The following UBA6 variants were observed in gnomAD, a reference collection of about 807,000 sequenced individuals.
The protein encoded by UBA6 is ubiquitin like modifier activating enzyme 6, also known as ubiquitin-like modifier-activating enzyme 6.
In UBA6, 87 loss-of-function variants were observed where a neutral mutation model predicts 148.3. That is an observed-to-expected ratio of 0.59 (90% CI 0.49 to 0.70). The LOEUF (loss-of-function observed/expected upper bound fraction) is 0.70. Ranked by LOEUF, UBA6 falls within the 30% of genes least tolerant of loss-of-function variation. UBA6 has a pLI of 0.00. For synonymous variants in UBA6, 376 were observed against 401.0 expected (o/e 0.94, Z 0.75); for missense variants, 1,186 against 1,241.2 (o/e 0.96, Z 0.67).
At chr4:67,654,814 T>C (rs1402006419) in intron 13 of UBA6, among the ~76,000 whole-genome samples, 2 of 143,560 alleles carry the variant, frequency 1.4e-5, no homozygotes, top group South Asian at 2.2e-4. Flanking sequence ...AAGAGGCCCA[T>C]AGTCTCAAAA....
chr4:67,663,399 C>T, intron 11 of UBA6, 184 bp from the exon 12 acceptor site: 1 of 474,556 alleles, frequency 2.1e-6, no homozygotes, highest in South Asian at 5.0e-5. Context: ...AACCTCAAGG[C>T]CATGAAGGTA....
At position 67,630,515 on chromosome 4, in the gene UBA6, T is replaced by C. The variant is rs759313710; in HGVS notation, c.2279A>G (p.Asn760Ser). 4.7e-5 allele frequency: 75 copies of C among 1,585,882 alleles called. No individual in the cohort carries two copies. The highest frequency in any genetic ancestry group is 6.3e-5 in the Non-Finnish European group (74 of 1,166,508). Residue 760 changes from asparagine (N) to serine (S), a missense_variant, in exon 26 of 33, where the codon AAT becomes AGT. Asn to Ser is a conservative substitution (Grantham distance 46). Transcript: ENST00000322244. ...NEPLHLSFLQNAAKLYATVYC... is the reference protein window; with the variant it reads ...NEPLHLSFLQSAAKLYATVYC... ...TACTGTAGCATATAGTTTTGCAGCATTCTGAAGGAAACTGAGGTGCCTTTT... is the reference window on the plus strand; with the variant it reads ...TACTGTAGCATATAGTTTTGCAGCACTCTGAAGGAAACTGAGGTGCCTTTT...
At chr4:67,656,170 C>T (rs934160105) in intron 13 of UBA6, among the ~76,000 whole-genome samples, 1 of 152,200 alleles carries the variant, frequency 6.6e-6, no homozygotes, top group Non-Finnish European at 1.5e-5. Context: ...AAGAGGGAAT[C>T]CTCCCTAACT....
intron 21 of UBA6, 21 bp downstream of exon 21, chr4:67,634,408 A>C (rs559636557): frequency 1.9e-6 from 3 of 1,564,528 alleles, no homozygotes; most frequent in African/African-American, 1.4e-5. Flanking sequence ...AAAGAAAATA[A>C]ATTTAAAAAG....
At chr4:67,639,514 A>G (rs1729251896) in intron 18 of UBA6, among the ~76,000 whole-genome samples, 1 of 152,302 alleles carries the variant, frequency 6.6e-6, no homozygotes, top group South Asian at 2.1e-4. Flanking sequence ...AACTCTGCAG[A>G]AGATAAGTTC....
rs1461105371 is a variant in UBA6 at position 67,639,133 on chromosome 4, A to G, written c.1555-9T>C. ...GTGTAGCTTTTAGGTTTCTAAACAA[A>G]TAATATAAGCAGAAGGAATATGTTA... On this transcript the variant is annotated splice_polypyrimidine_tract_variant and intron_variant, in intron 18 of 32. Transcript: ENST00000322244. 1.2e-6 allele frequency: 2 copies of G among 1,602,578 alleles called. No individual in the cohort carries two copies. The highest frequency in any genetic ancestry group is 1.3e-5 in the African/African-American group (1 of 74,338).
chr4:67,646,951 C>T (rs1243340848), intron 14 of UBA6, among the ~76,000 whole-genome samples, 160 bp from the exon 15 acceptor site: 2 of 151,484 alleles, frequency 1.3e-5, no homozygotes, highest in Admixed American at 6.6e-5. Flanking sequence ...ATATAATATA[C>T]ATTTCTATAT....
At chr4:67,662,450 T>C (rs1729884321) in intron 12 of UBA6, 195 bp from the exon 13 acceptor site, 1 of 462,420 alleles carries the variant, frequency 2.2e-6, no homozygotes, top group Non-Finnish European at 3.8e-6. Context: ...TATATCAGTA[T>C]ATAAATAAGT....
At position 67,696,766 on chromosome 4, in the gene UBA6, T is replaced by C. The variant is rs991419617; in HGVS notation, c.72-59A>G. The C allele has an allele frequency of 4.5e-5, 62 of 1,375,280 alleles. No individual in the cohort carries two copies. In the African/African-American group the frequency reaches 6.1e-4, roughly 13 times the overall value. The allele number at this position is 1,375,280 out of a possible 1,614,324, so 85.2% of individuals were successfully genotyped here. A position where few individuals can be genotyped will look rare whatever the true frequency, so the allele number is the denominator to read the frequency against. On this transcript the variant is annotated intron_variant, in intron 1 of 32. Coordinates refer to ENST00000322244, the MANE Select transcript of UBA6 (RefSeq NM_018227.6). ...ATTTTATAATGTAATATTTGATTAC[T>C]TGTGTGATCAGATTCACCAGTTACT...
chr4:67,651,560 G>A (rs1360835614), intron 13 of UBA6, among the ~76,000 whole-genome samples: 1 of 152,104 alleles, frequency 6.6e-6, no homozygotes, highest in African/African-American at 2.4e-5. Flanking sequence ...CAAAGTAAGA[G>A]CCCAGAATTT....
chr4:67,616,468 C>A lies in UBA6; in HGVS notation c.*2529G>T. 4.7e-6 allele frequency: 1 copy of A among 214,516 alleles called. No individual in the cohort carries two copies. The highest frequency in any genetic ancestry group is 9.1e-6 in the Non-Finnish European group (1 of 109,420). 13.3% of individuals were successfully genotyped at this position (214,516 alleles called of 1,614,324 possible). The stretch of plus-strand genomic sequence containing the variant: ...ATATACATTTATTTCCATGTCCTAC[C>A]TTTGGGACAATTTATGAGGAACTTA... On this transcript the variant is annotated 3_prime_UTR_variant, in exon 33 of 33. Transcript: ENST00000322244.
At position 67,625,148 on chromosome 4, in the gene UBA6, T is replaced by C. The variant is rs1728836995; in HGVS notation, c.2558A>G (p.Asp853Gly). Residue 853 changes from aspartate (D) to glycine (G), a missense_variant, in exon 29 of 33, where the codon GAT becomes GGT. Transcript: ENST00000322244. ...QMAVLSFEKD[D>G]DHNGHIDFIT... ...GAAATCTATGTGTCCATTATGATCA[T>C]CATCTTTTTCAAATGAAAGCACTGC... 3.1e-6 allele frequency: 5 copies of C among 1,611,690 alleles called. No homozygotes were observed. In the South Asian group the frequency reaches 4.4e-5, roughly 14 times the overall value.
intron 29 of UBA6, 97 bp downstream of exon 29, chr4:67,624,897 T>G: frequency 1.0e-6 from 1 of 974,428 alleles, no homozygotes; most frequent in Non-Finnish European, 1.5e-6. Flanking sequence ...TATCCTTCCC[T>G]CTCTAACATC....
chr4:67,691,774 G>T (rs1434565099), intron 2 of UBA6, among the ~76,000 whole-genome samples: 1 of 151,280 alleles, frequency 6.6e-6, no homozygotes, highest in East Asian at 1.9e-4. Flanking sequence ...AAGATAAAAT[G>T]AATCCAGTGG....
At chr4:67,691,667 A>G (rs1243262373) in intron 2 of UBA6, among the ~76,000 whole-genome samples, 1 of 152,228 alleles carries the variant, frequency 6.6e-6, no homozygotes, top group African/African-American at 2.4e-5. Context: ...AAGTGCTCCC[A>G]AGAAGCTGAG....
chr4:67,699,671 G>A (rs1209688932), intron 1 of UBA6, among the ~76,000 whole-genome samples: 2 of 152,088 alleles, frequency 1.3e-5, no homozygotes, highest in Non-Finnish European at 1.5e-5. Flanking sequence ...CACGATCTCG[G>A]CTCACTGCAG....
At chr4:67,622,973 A>G in intron 31 of UBA6, 48 bp from the exon 32 acceptor site, 1 of 1,488,796 alleles carries the variant, frequency 6.7e-7, no homozygotes, top group Non-Finnish European at 9.2e-7. Context: ...TCGCTCAAAC[A>G]TAAAATGCTT....
At chr4:67,647,657 T>TAA (rs1164895441) in intron 14 of UBA6, among the ~76,000 whole-genome samples, 1 of 149,750 alleles carries the variant, frequency 6.7e-6, no homozygotes, top group Non-Finnish European at 1.5e-5. Flanking sequence ...AACTGAGTCT[T>TAA]AATCTCATTT....
chr4:67,619,607 C>T (rs1276928077), intron 32 of UBA6, among the ~76,000 whole-genome samples: 1 of 152,174 alleles, frequency 6.6e-6, no homozygotes, highest in African/African-American at 2.4e-5. Flanking sequence ...ACCTGGGAGA[C>T]AGAGGTTGCA....
Sources: allele counts gnomAD v4.1 joint callset (sites outside exome capture counted in the v4.1 genomes callset), GRCh38; gene constraint gnomAD v4.1.1; transcripts MANE v1.5; gene names NCBI Gene and HGNC (gene_info 2026-07-23, HGNC 2026-07-21).